MNAT1: variants seen among roughly 807,000 people sequenced by gnomAD.
MNAT1 encodes MNAT1 component of CDK activating kinase.
Under a neutral mutation model 42.0 loss-of-function variants are expected in MNAT1, and 43 were observed. That is an observed-to-expected ratio of 1.02 (90% CI 0.80 to 1.32). The LOEUF (loss-of-function observed/expected upper bound fraction) is 1.32. Among genes scored for constraint, MNAT1 ranks in the 40% most tolerant of loss-of-function variants. The pLI, the probability that MNAT1 is intolerant of heterozygous loss-of-function variation, is 0.00. For missense variants in MNAT1, 306 were observed against 350.4 expected (o/e 0.87, Z 1.01); for synonymous variants, 118 against 120.0 (o/e 0.98, Z 0.11).
intron 6 of MNAT1, among the ~76,000 whole-genome samples, chr14:60,862,651 C>T (rs1213655828): frequency 6.6e-6 from 1 of 152,114 alleles, no homozygotes; most frequent in Non-Finnish European, 1.5e-5. Flanking sequence ...CATAGAGTTA[C>T]TTGAGATTCA....
chr14:60,871,298 A>G (rs548436209), intron 6 of MNAT1, among the ~76,000 whole-genome samples: 1 of 152,320 alleles, frequency 6.6e-6, no homozygotes, highest in African/African-American at 2.4e-5. Context: ...TCCTGGGTAG[A>G]TACTTATAAG....
In MNAT1 at chr14:60,798,172, A is replaced by G; in HGVS notation, c.316+12A>G. ...AGTGGAAGAAATTGGTACGTTTTTA[A>G]TTTGATGTATGCTAGCCTATAAGAC... On this transcript the variant is annotated intron_variant, in intron 3 of 7. Coordinates refer to ENST00000261245, the MANE Select transcript of MNAT1 (RefSeq NM_002431.4). The G allele has an allele frequency of 1.5e-6, 2 of 1,361,368 alleles. No individual in the cohort carries two copies. The highest frequency in any genetic ancestry group is 2.1e-6 in the Non-Finnish European group (2 of 953,800). 84.3% of individuals were successfully genotyped at this position (1,361,368 alleles called of 1,614,324 possible).
intron 6 of MNAT1, among the ~76,000 whole-genome samples, chr14:60,819,090 T>TA (rs2032804807): frequency 6.6e-6 from 1 of 152,074 alleles, no homozygotes; most frequent in Non-Finnish European, 1.5e-5. Flanking sequence ...TTACTCTACT[T>TA]ACATTTTTAA....
intron 6 of MNAT1, among the ~76,000 whole-genome samples, chr14:60,819,428 A>C (rs2032814162): frequency 6.6e-6 from 1 of 151,450 alleles, no homozygotes. Flanking sequence ...TTGGCATATT[A>C]ACTTTAACAT....
intron 6 of MNAT1, among the ~76,000 whole-genome samples, chr14:60,875,531 C>T (rs928184701): frequency 2.0e-4 from 30 of 152,016 alleles, no homozygotes; most frequent in African/African-American, 7.0e-4. Flanking sequence ...GATTAAGTAC[C>T]ATTAATAGTA....
chr14:60,908,082 C>G (rs879381211), intron 7 of MNAT1, among the ~76,000 whole-genome samples: 6 of 152,062 alleles, frequency 3.9e-5, no homozygotes, highest in African/African-American at 1.4e-4. Context: ...TTAATGCACT[C>G]ATTGACAAAT....
At chr14:60,831,918 C>T (rs2033232737) in intron 6 of MNAT1, among the ~76,000 whole-genome samples, 1 of 152,188 alleles carries the variant, frequency 6.6e-6, no homozygotes, top group African/African-American at 2.4e-5. Context: ...TTGCATTTCT[C>T]TAATGACCAG....
intron 7 of MNAT1, among the ~76,000 whole-genome samples, chr14:60,936,478 T>C (rs2036000149): frequency 6.6e-6 from 1 of 150,636 alleles, no homozygotes; most frequent in African/African-American, 2.4e-5. Flanking sequence ...ATGCGGTGTT[T>C]GGTTTTTTGT....
At chr14:60,742,963 A>G (rs947595063) in intron 1 of MNAT1, among the ~76,000 whole-genome samples, 1 of 152,206 alleles carries the variant, frequency 6.6e-6, no homozygotes, top group Non-Finnish European at 1.5e-5. Flanking sequence ...ACATTCATGT[A>G]CAAGTTTTCG....
intron 6 of MNAT1, among the ~76,000 whole-genome samples, chr14:60,842,550 G>C (rs2033580081): frequency 6.6e-6 from 1 of 152,128 alleles, no homozygotes; most frequent in South Asian, 2.1e-4. Context: ...ATTTTGTTCA[G>C]TTTTCTAGTT....
intron 6 of MNAT1, among the ~76,000 whole-genome samples, chr14:60,878,392 G>A (rs1372910824): frequency 6.6e-6 from 1 of 152,026 alleles, no homozygotes; most frequent in Non-Finnish European, 1.5e-5. Flanking sequence ...TTGAGGTTAG[G>A]AAACAAAAAG....
At chr14:60,765,381 G>A (rs2030773347) in intron 1 of MNAT1, among the ~76,000 whole-genome samples, 1 of 152,130 alleles carries the variant, frequency 6.6e-6, no homozygotes, top group Non-Finnish European at 1.5e-5. Flanking sequence ...GGTGGGTTGG[G>A]GGCTAGTTGA....
intron 2 of MNAT1, among the ~76,000 whole-genome samples, chr14:60,796,593 CATGTATTGAGTACCTACT>C (rs1408770606): frequency 7.2e-5 from 11 of 152,076 alleles, no homozygotes; most frequent in Non-Finnish European, 1.5e-4. Flanking sequence ...GATTAATAAA[CATGTATTGAGTACCTACT>C]ATGTATTGAG....
intron 6 of MNAT1, among the ~76,000 whole-genome samples, chr14:60,860,169 G>C (rs1566799031): frequency 6.6e-6 from 1 of 152,002 alleles, no homozygotes; most frequent in Non-Finnish European, 1.5e-5. Flanking sequence ...ATTTTATCTT[G>C]TAATATTAAA....
intron 1 of MNAT1, among the ~76,000 whole-genome samples, chr14:60,781,136 A>G (rs1190840579): frequency 6.6e-5 from 10 of 152,144 alleles, no homozygotes; most frequent in Admixed American, 6.5e-4. Flanking sequence ...TTTGACTTTA[A>G]TTTATGTAAC....
At chr14:60,747,505 T>C (rs1260799662) in intron 1 of MNAT1, among the ~76,000 whole-genome samples, 1 of 152,180 alleles carries the variant, frequency 6.6e-6, no homozygotes, top group Non-Finnish European at 1.5e-5. Flanking sequence ...AGTTTTTGTG[T>C]ATCTAATTAT....
chr14:60,938,546 T>G (rs1362951269), intron 7 of MNAT1, among the ~76,000 whole-genome samples: 1 of 152,204 alleles, frequency 6.6e-6, no homozygotes, highest in Non-Finnish European at 1.5e-5. Context: ...TTTGTGTATG[T>G]TGAACCAGCC....
At chr14:60,895,905 A>G (rs1159580176) in intron 7 of MNAT1, among the ~76,000 whole-genome samples, 1 of 152,338 alleles carries the variant, frequency 6.6e-6, no homozygotes, top group East Asian at 1.9e-4. Context: ...TAAAATGTGG[A>G]CACAGGCACT....
rs570297719 is a variant in MNAT1, at chr14:60,802,787, A to G, written c.316+4627A>G. ...CCCGGGAGAATAGGCAGTATTTTCTATTATTTTGTTTTGTTGGGTGAAGCG... is the reference window on the plus strand; with the variant it reads ...CCCGGGAGAATAGGCAGTATTTTCTGTTATTTTGTTTTGTTGGGTGAAGCG... On this transcript the variant is annotated intron_variant, in intron 3 of 7. Transcript: ENST00000261245. Among the ~76,000 whole-genome samples the G allele has an allele frequency of 5.5e-4, 83 of 152,246 alleles. No homozygotes were observed. In the South Asian group the frequency reaches 0.013, roughly 24 times the overall value.
Sources: allele counts gnomAD v4.1 joint callset (sites outside exome capture counted in the v4.1 genomes callset), GRCh38; gene constraint gnomAD v4.1.1; transcripts MANE v1.5; gene names NCBI Gene and HGNC (gene_info 2026-07-23, HGNC 2026-07-21).